The following MIR2052HG variants were observed in gnomAD, a reference collection of about 807,000 sequenced individuals.
MIR2052HG encodes MIR2052 host gene.
rs138611347 is a variant in MIR2052HG, at chr8:74,600,514, G to C, written n.128+606G>C. 2.9e-3 allele frequency among the ~76,000 whole-genome samples: 433 copies of C among 150,890 alleles called. 2 individuals carry two copies. Among genetic ancestry groups the C allele is most frequent in the African/African-American group, 9.9e-3 (408 of 41,090 alleles). ...GGAGAATGGCATGAACCGGGGAGGC[G>C]GAGGTTGTGGTGAGCTGCATTCCAG... On this transcript the variant is annotated intron_variant and non_coding_transcript_variant, in intron 1 of 6. Coordinates refer to ENST00000523442, the Ensembl canonical transcript of MIR2052HG.
chr8:74,696,452 G>A (rs1809297261), intron 2 of MIR2052HG, among the ~76,000 whole-genome samples: 1 of 151,882 alleles, frequency 6.6e-6, no homozygotes, highest in East Asian at 1.9e-4. Context: ...AAACCCAGCA[G>A]AAGAAAAGAA....
At chr8:74,651,003 ATC>A (rs1199431778) in intron 2 of MIR2052HG, among the ~76,000 whole-genome samples, 1 of 152,072 alleles carries the variant, frequency 6.6e-6, no homozygotes, top group East Asian at 1.9e-4. Context: ...ACTCTGTGTC[ATC>A]TCTCATATCT....
rs893614207 is a variant in MIR2052HG, at chr8:74,621,049, A to G, written n.216+8109A>G. Among the ~76,000 whole-genome samples the G allele has an allele frequency of 9.2e-5, 14 of 152,338 alleles. No homozygotes were observed. The East Asian group carries it at 2.7e-3, about 29-fold the overall frequency. ...AGCAAAATGCCACCATTCTCTTTGC[A>G]TAGCAAGGGTGACCTTTACTGCAGT... On this transcript the variant is annotated intron_variant and non_coding_transcript_variant, in intron 2 of 6. Coordinates refer to ENST00000523442, the Ensembl canonical transcript of MIR2052HG.
At chr8:74,671,403 T>C (rs1808991173) in intron 2 of MIR2052HG, among the ~76,000 whole-genome samples, 1 of 152,064 alleles carries the variant, frequency 6.6e-6, no homozygotes, top group South Asian at 2.1e-4. Flanking sequence ...ATAGCTTCGC[T>C]TGTTTTTTAG....
At chr8:74,625,979 A>T (rs991829479) in intron 2 of MIR2052HG, among the ~76,000 whole-genome samples, 3 of 152,206 alleles carry the variant, frequency 2.0e-5, no homozygotes, top group African/African-American at 7.2e-5. Flanking sequence ...ATTTGGGAAC[A>T]TCACTTATAA....
chr8:74,717,644 C>T lies in MIR2052HG; in HGVS notation n.371+13962C>T, dbSNP rs549355428. Among the ~76,000 whole-genome samples the T allele has an allele frequency of 1.9e-4, 29 of 151,786 alleles. No homozygotes were observed. In the South Asian group the frequency reaches 5.9e-3, roughly 31 times the overall value. On this transcript the variant is annotated intron_variant and non_coding_transcript_variant, in intron 4 of 6. Transcript: ENST00000523442. ...ACCAGCCTGGGCAAGATGGCAAAAC[C>T]TCATGTCTACAAAAAAATTAAAAAA...
intron 2 of MIR2052HG, among the ~76,000 whole-genome samples, chr8:74,681,815 T>G (rs909321030): frequency 3.3e-5 from 5 of 152,146 alleles, no homozygotes; most frequent in African/African-American, 1.2e-4. Flanking sequence ...TTACTTAGCT[T>G]GTGGTATTCT....
rs1809126328 is a variant in MIR2052HG at position 74,681,639 on chromosome 8, T to C, written n.217-20740T>C. On this transcript the variant is annotated intron_variant and non_coding_transcript_variant, in intron 2 of 6. Transcript: ENST00000523442. ...CATGCTATTACCTCTTGGGAATGGG[T>C]TAGTTATCCTGGGATTGGGCTCCTG... Among the ~76,000 whole-genome samples, 3 of 152,120 alleles carry C rather than the reference T, an allele frequency of 2.0e-5. No individual in the cohort carries two copies. In the South Asian group the frequency reaches 6.2e-4, roughly 32 times the overall value.
intron 4 of MIR2052HG, among the ~76,000 whole-genome samples, chr8:74,713,328 G>A (rs750561919): frequency 1.1e-4 from 16 of 152,084 alleles, no homozygotes; most frequent in Non-Finnish European, 1.9e-4. Context: ...TCTTATCCAA[G>A]TCTAAGCCAC....
chr8:74,695,288 A>G (rs1809284461), intron 2 of MIR2052HG, among the ~76,000 whole-genome samples: 1 of 152,208 alleles, frequency 6.6e-6, no homozygotes. Flanking sequence ...CCACCCCAGC[A>G]CTATAAGAAC....
At chr8:74,637,859 AT>A (rs1808599355) in intron 2 of MIR2052HG, among the ~76,000 whole-genome samples, 1 of 152,106 alleles carries the variant, frequency 6.6e-6, no homozygotes, top group Non-Finnish European at 1.5e-5. Flanking sequence ...TAAGTGGAAT[AT>A]TTACCTTTTA....
chr8:74,679,768 C>T (rs1314009611), intron 2 of MIR2052HG, among the ~76,000 whole-genome samples: 1 of 151,930 alleles, frequency 6.6e-6, no homozygotes, highest in African/African-American at 2.4e-5. Context: ...TTTTGAACTC[C>T]TGACCTCAAG....
At chr8:74,692,764 C>T (rs1052436027) in intron 2 of MIR2052HG, among the ~76,000 whole-genome samples, 1 of 152,192 alleles carries the variant, frequency 6.6e-6, no homozygotes, top group African/African-American at 2.4e-5. Flanking sequence ...GTTAACAGTT[C>T]TGTCTTAGTA....
chr8:74,730,240 C>A (rs778272899), intron 4 of MIR2052HG, among the ~76,000 whole-genome samples: 2 of 152,110 alleles, frequency 1.3e-5, no homozygotes, highest in Non-Finnish European at 2.9e-5. Flanking sequence ...CCACTGTTAC[C>A]TTTTACATTT....
At chr8:74,736,192 C>T (rs1002192098) in intron 4 of MIR2052HG, among the ~76,000 whole-genome samples, 3 of 152,132 alleles carry the variant, frequency 2.0e-5, no homozygotes, top group Non-Finnish European at 4.4e-5. Flanking sequence ...CCAAAATACT[C>T]CTTTGGTCTC....
At chr8:74,678,563 C>CAAAA (rs763073114) in intron 2 of MIR2052HG, among the ~76,000 whole-genome samples, 8 of 53,526 alleles carry the variant, frequency 1.5e-4, no homozygotes, top group African/African-American at 2.8e-4. Context: ...GAGTTTGTCT[C>CAAAA]AAAAAAAAAA....
intron 2 of MIR2052HG, among the ~76,000 whole-genome samples, chr8:74,663,635 T>G (rs1228650498): frequency 2.6e-5 from 4 of 152,212 alleles, no homozygotes; most frequent in African/African-American, 9.6e-5. Flanking sequence ...GCTTCCTAAC[T>G]CTCATGAAGT....
chr8:74,618,010 A>G (rs1006645704), intron 2 of MIR2052HG, among the ~76,000 whole-genome samples: 1 of 152,172 alleles, frequency 6.6e-6, no homozygotes, highest in Non-Finnish European at 1.5e-5. Flanking sequence ...TCTCAGTCTC[A>G]TTGGCTGCAC....
chr8:74,722,085 G>C (rs1809583330), intron 4 of MIR2052HG, among the ~76,000 whole-genome samples: 1 of 152,130 alleles, frequency 6.6e-6, no homozygotes, highest in South Asian at 2.1e-4. Context: ...AGCTACTTGG[G>C]AGGATCGCTT....
Sources: gnomAD v4.1 joint callset for allele counts (sites outside exome capture counted in the v4.1 genomes callset) on GRCh38, gnomAD v4.1.1 for gene constraint, MANE v1.5 for transcripts, NCBI Gene and HGNC (gene_info 2026-07-23, HGNC 2026-07-21) for gene names.